The following CFAP43 variants were observed in gnomAD, a reference collection of about 807,000 sequenced individuals.
CFAP43 encodes the protein cilia and flagella associated protein 43, also known as cilia- and flagella-associated protein 43.
Under a neutral mutation model 218.9 loss-of-function variants are expected in CFAP43, and 155 were observed. The observed-to-expected ratio is 0.71, with a 90% confidence interval of 0.62 to 0.81. The LOEUF is 0.81. Ranked by LOEUF, CFAP43 falls within the 30% of genes least tolerant of loss-of-function variation. CFAP43 has a pLI of 0.00. For missense variants in CFAP43, 1,778 were observed against 1,954.3 expected, an observed-to-expected ratio of 0.91 and a Z score of 1.70; for synonymous variants, 645 against 681.3, an observed-to-expected ratio of 0.95 and a Z score of 0.83.
At chr10:104,181,192 C>T (rs969229753) in intron 17 of CFAP43, among the ~76,000 whole-genome samples, 1 of 152,156 alleles carries the variant, frequency 6.6e-6, no homozygotes, top group Admixed American at 6.5e-5. Flanking sequence ...ATGAATGACA[C>T]CATCTTCTAC....
chr10:104,225,378 G>C (rs975767296), intron 3 of CFAP43, 83 bp downstream of exon 3: 1 of 1,075,154 alleles, frequency 9.3e-7, no homozygotes, highest in African/African-American at 1.6e-5. Flanking sequence ...GATTTTTCAT[G>C]TCTATTTCCT....
At chr10:104,186,482 A>C (rs1197758407) in intron 14 of CFAP43, among the ~76,000 whole-genome samples, 1 of 152,138 alleles carries the variant, frequency 6.6e-6, no homozygotes, top group Non-Finnish European at 1.5e-5. Flanking sequence ...TGTTTCATGC[A>C]TTCCTACCTC....
At chr10:104,203,520 C>G (rs904093053) in intron 8 of CFAP43, 152 bp downstream of exon 8, 1 of 612,650 alleles carries the variant, frequency 1.6e-6, no homozygotes, top group Non-Finnish European at 2.5e-6. Flanking sequence ...GTAATTTAGG[C>G]CTTTTAAATT....
At chr10:104,159,131 T>A (rs1399321161) in intron 27 of CFAP43, among the ~76,000 whole-genome samples, 3 of 152,062 alleles carry the variant, frequency 2.0e-5, no homozygotes, top group Non-Finnish European at 4.4e-5. Context: ...CTGTTCTCTC[T>A]ATTTTTATAC....
intron 19 of CFAP43, among the ~76,000 whole-genome samples, chr10:104,177,730 A>G (rs2089682568): frequency 6.6e-6 from 1 of 152,222 alleles, no homozygotes; most frequent in African/African-American, 2.4e-5. Flanking sequence ...ATGGATAAAG[A>G]GAGGATTCTA....
chr10:104,179,967 A>G, intron 17 of CFAP43, 35 bp from the exon 18 acceptor site: 1 of 1,546,196 alleles, frequency 6.5e-7, no homozygotes. Flanking sequence ...ACATGTCTTA[A>G]AGTTAAAATT....
intron 32 of CFAP43, among the ~76,000 whole-genome samples, 157 bp from the exon 33 acceptor site, chr10:104,142,550 AT>A (rs2087755610): frequency 6.6e-6 from 1 of 152,236 alleles, no homozygotes; most frequent in Admixed American, 6.5e-5. Context: ...CTTACATGGT[AT>A]GTAACAATTT....
At chr10:104,152,963 A>G (rs1392451727) in intron 27 of CFAP43, among the ~76,000 whole-genome samples, 1 of 152,190 alleles carries the variant, frequency 6.6e-6, no homozygotes, top group African/African-American at 2.4e-5. Context: ...ATTACTGATC[A>G]TGGCTAATGA....
At chr10:104,181,034 A>G (rs940688158) in intron 17 of CFAP43, among the ~76,000 whole-genome samples, 3 of 152,102 alleles carry the variant, frequency 2.0e-5, no homozygotes, top group Non-Finnish European at 4.4e-5. Context: ...TCTCCCCAGA[A>G]CCCAAGGTTC....
In CFAP43 at chr10:104,154,955, T is replaced by C. The variant is rs1268649876; in HGVS notation, c.3541-2229A>G. Among the ~76,000 whole-genome samples the C allele has an allele frequency of 2.6e-5, 4 of 152,166 alleles. No individual in the cohort carries two copies. In the East Asian group the frequency reaches 5.8e-4, roughly 22 times the overall value. ...GCCTGAAACAAGATTCCAGGGCACA[T>C]GATTTCTGGAGGGGGCGCTCTTTAG... On this transcript the variant is annotated intron_variant, in intron 27 of 37. Transcript: ENST00000357060.
chr10:104,200,694 A>G lies in CFAP43; in HGVS notation c.1096-2656T>C, dbSNP rs1048394501. Among the ~76,000 whole-genome samples the G allele has an allele frequency of 2.6e-5, 4 of 151,096 alleles. No homozygotes were observed. The South Asian group carries it at 6.3e-4, about 24-fold the overall frequency. On this transcript the variant is annotated intron_variant, in intron 8 of 37. Transcript: ENST00000357060. Reference sequence around the variant, plus strand: ...TCAAAAAAAAAAAAAAAAAAAAAAAAAAGACCCAAAGGAAATGAGGAAACT... The same window carrying G: ...TCAAAAAAAAAAAAAAAAAAAAAAAGAAGACCCAAAGGAAATGAGGAAACT...
chr10:104,157,254 T>G (rs2088597891), intron 27 of CFAP43, among the ~76,000 whole-genome samples: 1 of 152,156 alleles, frequency 6.6e-6, no homozygotes, highest in Non-Finnish European at 1.5e-5. Flanking sequence ...GGCCCATACC[T>G]TTTTCCTTCC....
rs149072807 is a variant in CFAP43 at position 104,193,870 on chromosome 10, C to T, written c.1438G>A (p.Val480Ile). The change falls in exon 11 of 38, where the codon GTC becomes ATC. Residue 480 changes from valine to isoleucine, a missense_variant. By Grantham distance (29) the Val-to-Ile change is conservative. Around this residue, in one of 3 missense-constraint regions of CFAP43, gnomAD observed 1,553 missense variants for 1,685.2 expected, o/e 0.92. Transcript: ENST00000357060. Reference sequence around the variant, plus strand: ...CTGGAGGCAGAAAGGACTTACACGACGTGCTGCACGGACGATTCCGAGAGA... The same window carrying T: ...CTGGAGGCAGAAAGGACTTACACGATGTGCTGCACGGACGATTCCGAGAGA... Reference protein sequence around the residue: ...AFLSESSVQHVVYDQQGIFLL... With the variant: ...AFLSESSVQHIVYDQQGIFLL... 6.9e-4 allele frequency: 1,106 copies of T among 1,613,500 alleles called. 2 individuals carry two copies. The highest frequency in any genetic ancestry group is 5.9e-3 in the Middle Eastern group (36 of 6,058).
At chr10:104,157,908 G>GA (rs368620995) in intron 27 of CFAP43, among the ~76,000 whole-genome samples, 190 of 151,988 alleles carry the variant, frequency 1.3e-3, no homozygotes, top group African/African-American at 4.3e-3. Flanking sequence ...TCTCTAAAAA[G>GA]AAAAATAGCT....
intron 36 of CFAP43, among the ~76,000 whole-genome samples, chr10:104,131,746 T>C (rs2087205593): frequency 6.6e-6 from 1 of 152,196 alleles, no homozygotes; most frequent in African/African-American, 2.4e-5. Flanking sequence ...TTGCTTTGTT[T>C]CTAATATATG....
intron 6 of CFAP43, 72 bp downstream of exon 6, chr10:104,207,593 A>G: frequency 6.9e-7 from 1 of 1,441,310 alleles, no homozygotes; most frequent in Non-Finnish European, 9.4e-7. Context: ...TCCAAGAAAG[A>G]GAAAAATAGG....
chr10:104,215,668 T>TTC (rs981469270), intron 3 of CFAP43, among the ~76,000 whole-genome samples: 1 of 151,674 alleles, frequency 6.6e-6, no homozygotes, highest in South Asian at 2.1e-4. Flanking sequence ...CTCTGGCCAG[T>TTC]TCTCTCTCTC....
intron 16 of CFAP43, 33 bp downstream of exon 16, chr10:104,184,983 T>G (rs1166660274): frequency 6.2e-7 from 1 of 1,610,800 alleles, no homozygotes; most frequent in Admixed American, 1.7e-5. Flanking sequence ...CACACTATAC[T>G]ACATGGGGTT....
intron 3 of CFAP43, among the ~76,000 whole-genome samples, chr10:104,217,894 G>A (rs2091059472): frequency 6.6e-6 from 1 of 152,194 alleles, no homozygotes; most frequent in East Asian, 1.9e-4. Context: ...TTTCAGGTCT[G>A]TTTACATTTG....
Sources: allele counts gnomAD v4.1 joint callset (sites outside exome capture counted in the v4.1 genomes callset), GRCh38; gene constraint gnomAD v4.1.1; regional missense constraint gnomAD v4.1.1; transcripts MANE v1.5; gene names NCBI Gene and HGNC (gene_info 2026-07-23, HGNC 2026-07-21).